Variants in AGPAT3 observed in about 807,000 individuals in gnomAD.
AGPAT3 encodes the protein 1-acyl-sn-glycerol-3-phosphate acyltransferase gamma.
Under a neutral mutation model 47.3 loss-of-function variants are expected in AGPAT3, and 5 were observed. That is an observed-to-expected ratio of 0.11 (90% confidence interval 0.06 to 0.22). The LOEUF is 0.22. AGPAT3 is among the 10% of genes least tolerant of loss of function. The pLI, the probability that AGPAT3 is intolerant of heterozygous loss-of-function variation, is 1.00. For missense variants in AGPAT3, 315 were observed against 493.0 expected (o/e 0.64, Z 3.42); for synonymous variants, 212 against 208.3 (o/e 1.02, Z -0.15).
At chr21:43,968,196 GC>G (rs2089229326) in intron 4 of AGPAT3, 81 bp downstream of exon 4, 2 of 1,476,662 alleles carry the variant, frequency 1.4e-6, no homozygotes, top group Non-Finnish European at 1.8e-6. Flanking sequence ...CCCAGGGAGG[GC>G]CGGGGTGAGC....
intron 2 of AGPAT3, among the ~76,000 whole-genome samples, chr21:43,929,742 C>T (rs987664237): frequency 1.4e-4 from 21 of 152,202 alleles, no homozygotes; most frequent in African/African-American, 5.1e-4. Context: ...ATTCCTCAGG[C>T]TGGAGGGTGG....
At chr21:43,909,724 C>T (rs1241534877) in intron 2 of AGPAT3, among the ~76,000 whole-genome samples, 2 of 152,230 alleles carry the variant, frequency 1.3e-5, no homozygotes, top group Non-Finnish European at 2.9e-5. Context: ...GCCCTCGTTG[C>T]AGGAGAGCCT....
chr21:43,892,048 T>A (rs1476598591), intron 1 of AGPAT3, among the ~76,000 whole-genome samples: 1 of 152,150 alleles, frequency 6.6e-6, no homozygotes, highest in Non-Finnish European at 1.5e-5. Context: ...GGCTCACACC[T>A]CTAATCCCAG....
In AGPAT3 at chr21:43,969,291, G is replaced by A. The variant is rs1214014660; in HGVS notation, c.510+12G>A. The A allele has an allele frequency of 6.2e-7, 1 of 1,614,036 alleles. No homozygotes were observed. The highest frequency in any genetic ancestry group is 8.5e-7 in the Non-Finnish European group (1 of 1,179,934). ...CCGAGTACATGTGGGTGAGTGCGCGGAGCAGCCCGATACCCTGCATGCCTG... is the reference window on the plus strand; with the variant it reads ...CCGAGTACATGTGGGTGAGTGCGCGAAGCAGCCCGATACCCTGCATGCCTG... On this transcript the variant is annotated intron_variant, in intron 5 of 9. Transcript: ENST00000291572.
At chr21:43,944,847 CCT>C (rs1397070997) in intron 2 of AGPAT3, among the ~76,000 whole-genome samples, 1 of 152,248 alleles carries the variant, frequency 6.6e-6, no homozygotes, top group Non-Finnish European at 1.5e-5. Context: ...CCATGAATCA[CCT>C]CTTACCTCTA....
chr21:43,888,987 T>C (rs1278601924), intron 1 of AGPAT3, among the ~76,000 whole-genome samples: 1 of 133,622 alleles, frequency 7.5e-6, no homozygotes, highest in African/African-American at 2.5e-5. Context: ...AGAACTTGTC[T>C]CAAAAAAAAA....
rs1329563646 is a variant in AGPAT3 at position 43,952,935 on chromosome 21, G to T, written c.-48-6699G>T. On this transcript the variant is annotated intron_variant, in intron 2 of 9. Coordinates refer to ENST00000291572, the MANE Select transcript of AGPAT3 (RefSeq NM_020132.5). This position sits in a 1 kb window ranked among gnomAD's most constrained non-coding sequence, Gnocchi z 5.6. ...CCCCAGGGTGCTGGGGGCTGCCCAG[G>T]CTATCTGCTGCGGTCAGGGTGTCAG... 6.6e-6 allele frequency among the ~76,000 whole-genome samples: 1 copy of T among 152,162 alleles called. No homozygotes were observed. The highest frequency in any genetic ancestry group is 1.5e-5 in the Non-Finnish European group (1 of 68,030).
At chr21:43,878,428 G>A (rs2085780927) in intron 1 of AGPAT3, among the ~76,000 whole-genome samples, 1 of 152,236 alleles carries the variant, frequency 6.6e-6, no homozygotes. Flanking sequence ...CTCGAGGGAG[G>A]GCTGCACTGG....
At chr21:43,948,874 C>T (rs999533927) in intron 2 of AGPAT3, among the ~76,000 whole-genome samples, 1 of 152,076 alleles carries the variant, frequency 6.6e-6, no homozygotes, top group East Asian at 1.9e-4. Flanking sequence ...AGTCCCCAAA[C>T]AGTGGCTGCA....
intron 2 of AGPAT3, chr21:43,925,182 T>A (rs556132743): frequency 3.7e-4 from 56 of 152,558 alleles, no homozygotes; most frequent in African/African-American, 1.3e-3. Context: ...TGAGCGGCCG[T>A]AGGCACTGTC....
chr21:43,874,047 A>T (rs959998137), intron 1 of AGPAT3, among the ~76,000 whole-genome samples: 2 of 152,078 alleles, frequency 1.3e-5, no homozygotes, highest in Admixed American at 6.6e-5. Flanking sequence ...TTTTATTATT[A>T]TTTTTTGAGA....
chr21:43,975,330 G>A (rs1052380736), intron 7 of AGPAT3, among the ~76,000 whole-genome samples: 5 of 150,644 alleles, frequency 3.3e-5, no homozygotes, highest in South Asian at 2.1e-4. Context: ...GTGTGCTGGC[G>A]TGTGGTATGT....
At chr21:43,951,595 A>C (rs2088194663) in intron 2 of AGPAT3, among the ~76,000 whole-genome samples, 1 of 152,198 alleles carries the variant, frequency 6.6e-6, no homozygotes, top group Non-Finnish European at 1.5e-5. Flanking sequence ...GCCCCTGCAC[A>C]GAGCAGGACG....
intron 1 of AGPAT3, among the ~76,000 whole-genome samples, chr21:43,893,175 G>C (rs1356079770): frequency 6.6e-6 from 1 of 152,224 alleles, no homozygotes; most frequent in Non-Finnish European, 1.5e-5. Context: ...ACTTGCTGCA[G>C]CTTCTCCGTG....
At chr21:43,974,841 C>T (rs574743960) in intron 7 of AGPAT3, among the ~76,000 whole-genome samples, 14 of 152,178 alleles carry the variant, frequency 9.2e-5, no homozygotes, top group Non-Finnish European at 1.3e-4. Flanking sequence ...CTCTGCGCCT[C>T]GGTTGTTCCT....
chr21:43,960,569 A>G (rs983474177), intron 3 of AGPAT3: 10 of 171,006 alleles, frequency 5.8e-5, no homozygotes, highest in African/African-American at 2.2e-4. Context: ...GTGCAAAAGT[A>G]TGCAACTGGA....
chr21:43,933,989 C>T lies in AGPAT3; in HGVS notation c.-48-25645C>T, dbSNP rs1432198965. On this transcript the variant is annotated intron_variant, in intron 2 of 9. Transcript: ENST00000291572. The surrounding 1 kb of genome is among the most constrained non-coding windows in gnomAD (Gnocchi z 6.0). ...CTGTCACTGTGTGGACTGGCCACAC[C>T]TGGTGTGCCGCTTCCTTTCTCAGTC... 6.6e-6 allele frequency among the ~76,000 whole-genome samples: 1 copy of T among 152,234 alleles called. No homozygotes were observed. The highest frequency in any genetic ancestry group is 1.5e-5 in the Non-Finnish European group (1 of 68,040).
At chr21:43,962,261 G>A (rs570221042) in intron 3 of AGPAT3, among the ~76,000 whole-genome samples, 3 of 152,092 alleles carry the variant, frequency 2.0e-5, no homozygotes, top group East Asian at 3.9e-4. Context: ...CTCGGCCTCC[G>A]AAAGTGCTGG....
intron 1 of AGPAT3, among the ~76,000 whole-genome samples, chr21:43,903,364 G>A (rs2086401617): frequency 6.6e-6 from 1 of 152,160 alleles, no homozygotes; most frequent in Non-Finnish European, 1.5e-5. Context: ...TGGACATAAA[G>A]CCCCTGAACC....
Sources: allele counts gnomAD v4.1 joint callset (sites outside exome capture counted in the v4.1 genomes callset), GRCh38; gene constraint gnomAD v4.1.1; non-coding constraint Gnocchi (gnomAD v3.1); transcripts MANE v1.5; gene names NCBI Gene and HGNC (gene_info 2026-07-23, HGNC 2026-07-21).